Variants in PDK1 observed in about 807,000 individuals in gnomAD.
The protein encoded by PDK1 is [Pyruvate dehydrogenase (acetyl-transferring)] kinase isozyme 1, mitochondrial.
A neutral mutation model predicts 54.2 loss-of-function variants in PDK1; 39 were observed. That is an observed-to-expected ratio of 0.72 (90% CI 0.56 to 0.94). The LOEUF is 0.94. Ranked by LOEUF, PDK1 falls within the 40% of genes least tolerant of loss-of-function variation. The pLI is 0.00. For synonymous variants in PDK1, 221 were observed against 207.1 expected (o/e 1.07, Z -0.58); for missense variants, 552 against 566.0 (o/e 0.98, Z 0.25).
At chr2:172,720,114 CTCTTTT>C in the PDK1 span, among the ~76,000 whole-genome samples, 1,046 of 81,706 alleles carry the variant, frequency 0.013, 15 homozygotes, top group African/African-American at 0.042. Flanking sequence ...CTCTCTCTCT[CTCTTTT>C]TTTTTTTTTT....
the PDK1 span, among the ~76,000 whole-genome samples, chr2:172,715,449 T>C: frequency 2.6e-5 from 4 of 152,350 alleles, no homozygotes; most frequent in African/African-American, 9.6e-5. Flanking sequence ...TTGAAGACCA[T>C]AGTGGAGACT....
the PDK1 span, among the ~76,000 whole-genome samples, chr2:172,651,051 C>A: frequency 2.6e-5 from 4 of 151,940 alleles, no homozygotes; most frequent in Admixed American, 6.6e-5. Context: ...CACAGTATTC[C>A]AAAACTGACC....
the PDK1 span, among the ~76,000 whole-genome samples, chr2:172,648,792 T>C: frequency 6.6e-6 from 1 of 152,072 alleles, no homozygotes; most frequent in Non-Finnish European, 1.5e-5. Flanking sequence ...GGGAGGGGCG[T>C]CTTCCATTGC....
chr2:172,699,640 A>G, the PDK1 span, among the ~76,000 whole-genome samples: 1 of 152,144 alleles, frequency 6.6e-6, no homozygotes, highest in Non-Finnish European at 1.5e-5. Context: ...GCTGTCTAGC[A>G]TAGCACTTGG....
chr2:172,708,846 G>C, the PDK1 span, among the ~76,000 whole-genome samples: 9 of 152,276 alleles, frequency 5.9e-5, no homozygotes, highest in Non-Finnish European at 7.4e-5. Flanking sequence ...CCTGTGTTTT[G>C]ACTGGGACCC....
chr2:172,574,893 G>A (rs1302743865), intron 8 of PDK1, among the ~76,000 whole-genome samples: 1 of 152,122 alleles, frequency 6.6e-6, no homozygotes, highest in Non-Finnish European at 1.5e-5. Flanking sequence ...AGAACCTCTA[G>A]TACAGTGTTG....
At chr2:172,622,006 CATG>C in the PDK1 span, among the ~76,000 whole-genome samples, 35 of 143,112 alleles carry the variant, frequency 2.4e-4, no homozygotes, top group Non-Finnish European at 4.4e-4. Context: ...GTTTATAGCT[CATG>C]ATGCATGTTC....
the PDK1 span, among the ~76,000 whole-genome samples, chr2:172,648,116 G>A: frequency 2.6e-5 from 4 of 152,158 alleles, no homozygotes; most frequent in South Asian, 2.1e-4. Context: ...TGCATGCAAC[G>A]TGGGAAGCTG....
At chr2:172,572,035 T>C (rs1346800843) in intron 8 of PDK1, among the ~76,000 whole-genome samples, 1 of 152,078 alleles carries the variant, frequency 6.6e-6, no homozygotes, top group Non-Finnish European at 1.5e-5. Flanking sequence ...TTTCACCATA[T>C]TGGCCAGGCT....
At chr2:172,654,152 T>C in the PDK1 span, among the ~76,000 whole-genome samples, 1 of 152,174 alleles carries the variant, frequency 6.6e-6, no homozygotes, top group East Asian at 1.9e-4. Context: ...GAAATAGGAA[T>C]GCTTTTACAC....
At chr2:172,684,755 C>T in the PDK1 span, among the ~76,000 whole-genome samples, 2 of 152,210 alleles carry the variant, frequency 1.3e-5, no homozygotes, top group African/African-American at 4.8e-5. Context: ...CTCCCCTTCA[C>T]CCCATGTCCA....
the PDK1 span, among the ~76,000 whole-genome samples, chr2:172,692,637 G>C: frequency 1.5e-3 from 235 of 152,310 alleles, 6 homozygotes; most frequent in East Asian, 0.024. Context: ...AGGTCTTATA[G>C]GGAGAGGGTA....
At chr2:172,609,330 AAGAC>A (rs1181340367), downstream of PDK1, among the ~76,000 whole-genome samples, 1 of 152,190 alleles carries the variant, frequency 6.6e-6, no homozygotes, top group African/African-American at 2.4e-5. Flanking sequence ...TTAAGGTAAA[AAGAC>A]AGCTTTTCCT....
chr2:172,654,835 T>TAGGGATATG, the PDK1 span, among the ~76,000 whole-genome samples: 5 of 152,118 alleles, frequency 3.3e-5, no homozygotes, highest in Non-Finnish European at 7.4e-5. Flanking sequence ...GTCTACGGCC[T>TAGGGATATG]CCCTACCTGG....
rs545055601 is a variant in PDK1 at position 172,603,850 on chromosome 2, A to G, written c.*7881A>G. ...TAGCGGATGACTATAGTCATTTCAC[A>G]TAATCTAATACATGAATGTCCTGTA... On this transcript the variant is annotated 3_prime_UTR_variant, in exon 11 of 11. Coordinates refer to ENST00000282077, the MANE Select transcript of PDK1 (RefSeq NM_002610.5). 2 of 152,330 alleles carry G rather than the reference A, an allele frequency of 1.3e-5. No homozygotes were observed. Among genetic ancestry groups the G allele is most frequent in the East Asian group, 1.9e-4 (1 of 5,190 alleles). The allele number at this position is 152,330 out of a possible 1,614,324, so 9.4% of individuals were successfully genotyped here. A position where few individuals can be genotyped will look rare whatever the true frequency, so the allele number is the denominator to read the frequency against.
At chr2:172,702,520 A>G in the PDK1 span, among the ~76,000 whole-genome samples, 439 of 149,022 alleles carry the variant, frequency 2.9e-3, 3 homozygotes, top group African/African-American at 9.8e-3. Flanking sequence ...GGCCTCTTTC[A>G]TTGTTAGACC....
downstream of PDK1, among the ~76,000 whole-genome samples, chr2:172,609,570 T>C (rs1385883109): frequency 6.6e-6 from 1 of 152,182 alleles, no homozygotes; most frequent in Non-Finnish European, 1.5e-5. Context: ...TAGAAGAATT[T>C]ATTAGAGTCC....
intron 5 of PDK1, among the ~76,000 whole-genome samples, chr2:172,565,283 C>G (rs767836967): frequency 2.6e-5 from 4 of 152,000 alleles, no homozygotes; most frequent in Non-Finnish European, 5.9e-5. Flanking sequence ...TTTGGTGATA[C>G]TATAGAGGAT....
the PDK1 span, among the ~76,000 whole-genome samples, chr2:172,685,542 T>C: frequency 2.6e-5 from 4 of 152,214 alleles, no homozygotes; most frequent in Admixed American, 6.5e-5. Flanking sequence ...ATTTTCCTCA[T>C]TTGTAAAATG....
Sources: allele counts gnomAD v4.1 joint callset (sites outside exome capture counted in the v4.1 genomes callset), GRCh38; gene constraint gnomAD v4.1.1; transcripts MANE v1.5; gene names NCBI Gene and HGNC (gene_info 2026-07-23, HGNC 2026-07-21).